LAMA3: variants seen among roughly 807,000 people sequenced by gnomAD.
LAMA3 encodes the protein laminin subunit alpha-3.
In LAMA3, 281 loss-of-function variants were observed where a neutral mutation model predicts 402.0. The observed-to-expected ratio is 0.70, with a 90% CI of 0.63 to 0.77. LAMA3 has a LOEUF of 0.77. Ranked by LOEUF, LAMA3 falls within the 30% of genes least tolerant of loss-of-function variation. LAMA3 has a pLI of 0.00. For missense variants in LAMA3, 3,840 were observed against 4,215.5 expected, an observed-to-expected ratio of 0.91 and a Z score of 2.47; for synonymous variants, 1,431 against 1,558.4, an observed-to-expected ratio of 0.92 and a Z score of 1.93.
intron 2 of LAMA3, among the ~76,000 whole-genome samples, chr18:23,740,523 T>A (rs184586941): frequency 1.3e-5 from 2 of 152,224 alleles, no homozygotes; most frequent in African/African-American, 2.4e-5. Flanking sequence ...CTCCTGTGGT[T>A]CTTTTATATT....
chr18:23,699,754 G>A (rs755927110), intron 1 of LAMA3, among the ~76,000 whole-genome samples: 8 of 152,154 alleles, frequency 5.3e-5, no homozygotes, highest in Non-Finnish European at 1.0e-4. Flanking sequence ...TGTCAGAGGC[G>A]TTCGAACTAG....
intron 2 of LAMA3, among the ~76,000 whole-genome samples, chr18:23,747,053 T>A (rs1021102315): frequency 6.6e-6 from 1 of 152,044 alleles, no homozygotes; most frequent in Non-Finnish European, 1.5e-5. Flanking sequence ...CGAGTGCTCC[T>A]CAGACAGTCA....
chr18:23,703,493 C>T (rs1241820571), intron 1 of LAMA3, among the ~76,000 whole-genome samples: 1 of 152,100 alleles, frequency 6.6e-6, no homozygotes, highest in Admixed American at 6.6e-5. Context: ...GAAATGAATT[C>T]AAAGGACTCC....
rs764575126 is a variant in LAMA3 at position 23,758,302 on chromosome 18, C to T, written c.948-94C>T. 8.5e-6 allele frequency: 7 copies of T among 822,624 alleles called. No homozygotes were observed. In the East Asian group the frequency reaches 1.8e-4, roughly 22 times the overall value. 51.0% of individuals were successfully genotyped at this position (822,624 alleles called of 1,614,324 possible). A position where few individuals can be genotyped will look rare whatever the true frequency, so the allele number is the denominator to read the frequency against. ...CTCAATGAATGGTGCCGTGGATGAC[C>T]GTGATGACTCGTGTGTCAGGTTCGC... On this transcript the variant is annotated intron_variant, in intron 6 of 74. Coordinates refer to ENST00000313654, the MANE Select transcript of LAMA3 (RefSeq NM_198129.4).
intron 1 of LAMA3, among the ~76,000 whole-genome samples, chr18:23,707,029 G>T (rs2060902137): frequency 6.6e-6 from 1 of 152,234 alleles, no homozygotes; most frequent in African/African-American, 2.4e-5. Flanking sequence ...AGTGAGCCAA[G>T]ATCGCACCAT....
intron 32 of LAMA3, among the ~76,000 whole-genome samples, chr18:23,855,416 C>T (rs1337272099): frequency 6.6e-6 from 1 of 152,216 alleles, no homozygotes; most frequent in Non-Finnish European, 1.5e-5. Flanking sequence ...GTCATCTGCT[C>T]TCTCTTCTTT....
chr18:23,898,680 G>A (rs1024251526), intron 44 of LAMA3, 58 bp from the exon 45 acceptor site: 2 of 938,268 alleles, frequency 2.1e-6, no homozygotes, highest in Non-Finnish European at 3.6e-6. Context: ...TGTTGACCAG[G>A]TTGATAGGAC....
At chr18:23,941,931 G>A (rs1357979333) in intron 68 of LAMA3, among the ~76,000 whole-genome samples, 2 of 151,994 alleles carry the variant, frequency 1.3e-5, no homozygotes, top group African/African-American at 2.4e-5. Flanking sequence ...CCAAACCTCC[G>A]CACTAACACA....
chr18:23,698,421 G>A lies in LAMA3; in HGVS notation c.294+8444G>A, dbSNP rs567923113. 1.8e-4 allele frequency among the ~76,000 whole-genome samples: 28 copies of A among 152,144 alleles called. No homozygotes were observed. In the South Asian group the frequency reaches 5.8e-3, roughly 32 times the overall value. On this transcript the variant is annotated intron_variant, in intron 1 of 74. Transcript: ENST00000313654. ...GGGGTTTCACCGTGTTAGACAGGAT[G>A]GTCTCAATCTCCTGATTTTGTGATC...
chr18:23,915,446 A>G (rs1246079205), intron 59 of LAMA3, 24 bp downstream of exon 59: 1 of 1,607,640 alleles, frequency 6.2e-7, no homozygotes, highest in South Asian at 1.1e-5. Context: ...AGAAACCAGA[A>G]ACTCTGTAAC....
chr18:23,755,549 T>C (rs2061827847), intron 6 of LAMA3, among the ~76,000 whole-genome samples: 1 of 152,190 alleles, frequency 6.6e-6, no homozygotes, highest in South Asian at 2.1e-4. Context: ...GAGCCAAGCC[T>C]GGACAATCAG....
intron 12 of LAMA3, among the ~76,000 whole-genome samples, chr18:23,785,194 G>T (rs1204448441): frequency 6.6e-6 from 1 of 152,164 alleles, no homozygotes; most frequent in Non-Finnish European, 1.5e-5. Context: ...TTTCCCATCG[G>T]TCTAATCTTA....
chr18:23,739,291 T>C (rs2061526025), intron 2 of LAMA3, among the ~76,000 whole-genome samples: 1 of 152,214 alleles, frequency 6.6e-6, no homozygotes, highest in South Asian at 2.1e-4. Context: ...AAGGCAGCTT[T>C]TGGGCAAAGG....
Position 23,845,064 on chromosome 18 carries a change from A to G in LAMA3, c.3659A>G (p.Lys1220Arg). 1 of 1,613,698 alleles carries G rather than the reference A, an allele frequency of 6.2e-7. No individual in the cohort carries two copies. The highest frequency in any genetic ancestry group is 8.5e-7 in the Non-Finnish European group (1 of 1,179,582). ...ENYDYQILHKKSMDKSLEFIT... is the reference protein window; with the variant it reads ...ENYDYQILHKRSMDKSLEFIT... Reference sequence around the variant, plus strand: ...TATGACTACCAAATACTTCACAAAAAATCCATGGACAAGTCACTCGAGTTT... The same window carrying G: ...TATGACTACCAAATACTTCACAAAAGATCCATGGACAAGTCACTCGAGTTT... The change falls in exon 30 of 75, where the codon AAA becomes AGA. Residue 1220 changes from lysine (K) to arginine (R), a missense_variant. By Grantham distance (26) the Lys-to-Arg change is conservative. Transcript: ENST00000313654.
intron 41 of LAMA3, among the ~76,000 whole-genome samples, chr18:23,885,194 A>G (rs888307431): frequency 7.1e-6 from 1 of 141,570 alleles, no homozygotes; most frequent in Non-Finnish European, 1.5e-5. Context: ...CATACCCCCT[A>G]TTTCGACATG....
intron 2 of LAMA3, among the ~76,000 whole-genome samples, chr18:23,747,346 C>G (rs1219800713): frequency 6.6e-6 from 1 of 152,142 alleles, no homozygotes; most frequent in Non-Finnish European, 1.5e-5. Context: ...CTCTTCCATA[C>G]TTTTGCATCA....
intron 1 of LAMA3, among the ~76,000 whole-genome samples, chr18:23,711,196 A>C (rs1393125485): frequency 6.6e-6 from 1 of 152,230 alleles, no homozygotes; most frequent in Non-Finnish European, 1.5e-5. Flanking sequence ...TTATGTATCT[A>C]TTATATCAGT....
At chr18:23,798,207 A>AG (rs1436815861) in intron 12 of LAMA3, among the ~76,000 whole-genome samples, 1 of 151,836 alleles carries the variant, frequency 6.6e-6, no homozygotes, top group African/African-American at 2.4e-5. Context: ...GCAGCTAGTT[A>AG]GTACTGGGAA....
chr18:23,881,204 C>A (rs1484416475), intron 39 of LAMA3, among the ~76,000 whole-genome samples: 1 of 152,152 alleles, frequency 6.6e-6, no homozygotes, highest in Non-Finnish European at 1.5e-5. Context: ...TACTGAAGAA[C>A]AAATTTCATT....
Sources: allele counts gnomAD v4.1 joint callset (sites outside exome capture counted in the v4.1 genomes callset), GRCh38; gene constraint gnomAD v4.1.1; transcripts MANE v1.5; gene names NCBI Gene and HGNC (gene_info 2026-07-23, HGNC 2026-07-21).